PPP1R36: variants seen among roughly 807,000 people sequenced by gnomAD.
PPP1R36 encodes chromosome 14 open reading frame 50.
In PPP1R36, 47 loss-of-function variants were observed where a neutral mutation model predicts 53.4. The ratio of observed to expected loss-of-function variants is 0.88; its 90% CI spans 0.70 to 1.12. The LOEUF (loss-of-function observed/expected upper bound fraction) is 1.12, where lower values mean the gene tolerates loss of function less well. PPP1R36 is among the 50% of genes most tolerant of loss of function. The pLI, the probability that PPP1R36 is intolerant of heterozygous loss-of-function variation, is 0.00. For missense variants in PPP1R36, 456 were observed against 513.9 expected, an observed-to-expected ratio of 0.89 and a Z score of 1.09; for synonymous variants, 153 against 170.5, an observed-to-expected ratio of 0.90 and a Z score of 0.80.
rs183394375 is a variant in PPP1R36 at position 64,588,070 on chromosome 14, G to T, written c.891-34G>T. The stretch of plus-strand genomic sequence containing the variant: ...CAAGAACATTTCTAGAAAACAGGGT[G>T]ATATGACCTAAATGTCACCTTCCTC... On this transcript the variant is annotated intron_variant, in intron 10 of 11. Coordinates refer to ENST00000298705, the MANE Select transcript of PPP1R36 (RefSeq NM_172365.3). The T allele has an allele frequency of 9.5e-5, 148 of 1,553,904 alleles. No individual in the cohort carries two copies. In the African/African-American group the frequency reaches 1.3e-3, roughly 14 times the overall value.
At chr14:64,570,134 C>T (rs1353856774) in intron 7 of PPP1R36, among the ~76,000 whole-genome samples, 1 of 152,094 alleles carries the variant, frequency 6.6e-6, no homozygotes, top group East Asian at 1.9e-4. Flanking sequence ...GTAGACTGTT[C>T]CTTAGAAGGA....
intron 8 of PPP1R36, 121 bp downstream of exon 8, chr14:64,574,710 T>C (rs1422104465): frequency 7.3e-6 from 8 of 1,094,228 alleles, no homozygotes; most frequent in African/African-American, 3.1e-5. Context: ...TCCAGAGTAA[T>C]TGGGCTCAGG....
intron 7 of PPP1R36, among the ~76,000 whole-genome samples, chr14:64,572,140 C>T (rs563279381): frequency 4.7e-4 from 71 of 152,162 alleles, no homozygotes; most frequent in African/African-American, 1.7e-3. Flanking sequence ...AAAGTTTCCT[C>T]CTAATTTTGG....
chr14:64,584,056 C>A (rs895408783), intron 8 of PPP1R36, among the ~76,000 whole-genome samples: 1 of 151,868 alleles, frequency 6.6e-6, no homozygotes, highest in African/African-American at 2.4e-5. Flanking sequence ...CACCTGCCAC[C>A]ACGCCCGGCT....
chr14:64,560,864 C>T (rs545756061), intron 3 of PPP1R36, among the ~76,000 whole-genome samples: 2 of 152,264 alleles, frequency 1.3e-5, no homozygotes, highest in African/African-American at 4.8e-5. Flanking sequence ...GCAGAGAGAT[C>T]TGAGCCTTGA....
At chr14:64,584,207 T>G (rs1401844256) in intron 8 of PPP1R36, among the ~76,000 whole-genome samples, 1 of 152,136 alleles carries the variant, frequency 6.6e-6, no homozygotes, top group Non-Finnish European at 1.5e-5. Context: ...CAGCCTTACC[T>G]TCTCTTCTAA....
At chr14:64,569,924 A>G (rs2140234573) in intron 7 of PPP1R36, among the ~76,000 whole-genome samples, 1 of 151,832 alleles carries the variant, frequency 6.6e-6, no homozygotes, top group East Asian at 1.9e-4. Flanking sequence ...TTTTTAGTAG[A>G]GATGGGGTTT....
intron 3 of PPP1R36, among the ~76,000 whole-genome samples, chr14:64,561,028 C>T (rs2080201677): frequency 6.6e-6 from 1 of 152,086 alleles, no homozygotes; most frequent in Admixed American, 6.6e-5. Flanking sequence ...TAAATTGTAG[C>T]CAGAGAGAGG....
chr14:64,583,073 A>ATTTT (rs1255357344), intron 8 of PPP1R36, among the ~76,000 whole-genome samples: 16 of 136,130 alleles, frequency 1.2e-4, no homozygotes, highest in African/African-American at 1.6e-4. Context: ...ATATATATAT[A>ATTTT]TATTTTTTTT....
rs76977112 is a variant in PPP1R36 at position 64,566,837 on chromosome 14, C to T, written c.434+1145C>T. On this transcript the variant is annotated intron_variant, in intron 6 of 11. Transcript: ENST00000298705. Reference sequence around the variant, plus strand: ...AAGTTCAGAGCTAGGGAATCAGTGCCCTAGAAGCAGCCCTCATTCAGTGCC... The same window carrying T: ...AAGTTCAGAGCTAGGGAATCAGTGCTCTAGAAGCAGCCCTCATTCAGTGCC... Among the ~76,000 whole-genome samples, 59 of 152,332 alleles carry T rather than the reference C, an allele frequency of 3.9e-4. 2 individuals carry two copies. The East Asian group carries it at 0.011, about 28-fold the overall frequency.
rs567623488 is a variant in PPP1R36, at chr14:64,573,839, G to A, written c.534-616G>A. 4.8e-3 allele frequency among the ~76,000 whole-genome samples: 693 copies of A among 144,104 alleles called. 8 individuals are homozygous for A. The highest frequency in any genetic ancestry group is 0.017 in the African/African-American group (669 of 38,756). 94.5% of individuals were successfully genotyped at this position (144,104 alleles called of 152,430 possible). A position where few individuals can be genotyped will look rare whatever the true frequency, so the allele number is the denominator to read the frequency against. ...GAGGCAGGAGAATTCCTTGAACCCGGGAGGTGGAGGTCTCAGTGAGCCGAG... is the reference window on the plus strand; with the variant it reads ...GAGGCAGGAGAATTCCTTGAACCCGAGAGGTGGAGGTCTCAGTGAGCCGAG... On this transcript the variant is annotated intron_variant, in intron 7 of 11. Coordinates refer to ENST00000298705, the MANE Select transcript of PPP1R36 (RefSeq NM_172365.3).
intron 6 of PPP1R36, among the ~76,000 whole-genome samples, chr14:64,566,662 G>C (rs777268435): frequency 1.3e-5 from 2 of 152,128 alleles, no homozygotes; most frequent in Admixed American, 1.3e-4. Flanking sequence ...TCAGCACCGC[G>C]AACGCTCAGT....
At chr14:64,576,892 C>T (rs896092723) in intron 8 of PPP1R36, among the ~76,000 whole-genome samples, 1 of 152,204 alleles carries the variant, frequency 6.6e-6, no homozygotes, top group Non-Finnish European at 1.5e-5. Context: ...GAAAATGTGG[C>T]ACTCAGGGAG....
intron 8 of PPP1R36, among the ~76,000 whole-genome samples, chr14:64,578,706 T>C (rs2080362784): frequency 6.6e-6 from 1 of 152,190 alleles, no homozygotes; most frequent in Non-Finnish European, 1.5e-5. Flanking sequence ...TGGTGATTCC[T>C]CAAAGAGCTA....
chr14:64,550,129 A>T, intron 1 of PPP1R36, 63 bp downstream of exon 1: 1 of 1,528,566 alleles, frequency 6.5e-7, no homozygotes, highest in South Asian at 1.2e-5. Context: ...TGCTGCCCCC[A>T]ACCGGCGCCG....
Position 64,586,922 on chromosome 14 carries a change from T to C in PPP1R36, c.711+43T>C, listed in dbSNP as rs553776234. 234 of 1,502,206 alleles carry C rather than the reference T, an allele frequency of 1.6e-4. 3 individuals are homozygous for C. The South Asian group carries it at 2.3e-3, about 15-fold the overall frequency. 93.1% of individuals were successfully genotyped at this position (1,502,206 alleles called of 1,614,324 possible). On this transcript the variant is annotated intron_variant, in intron 9 of 11. Transcript: ENST00000298705. ...TGGTGCTTTTTGATATGAAACAATA[T>C]ATACCAACAACCAATGGCCATTTGT...
At chr14:64,562,870 A>G (rs1036903038) in intron 3 of PPP1R36, among the ~76,000 whole-genome samples, 7 of 151,656 alleles carry the variant, frequency 4.6e-5, no homozygotes, top group Non-Finnish European at 8.8e-5. Flanking sequence ...TTATTTTATT[A>G]CTATTATTTT....
Position 64,587,237 on chromosome 14 carries a change from G to A in PPP1R36, c.755G>A (p.Arg252Gln), listed in dbSNP as rs749746554. ...FCTYVAWIVF[R>Q]RQHLTEIEEE... The stretch of plus-strand genomic sequence containing the variant: ...ACATATGTGGCTTGGATTGTCTTCC[G>A]ACGTCAACACTTGACAGAGATTGAA... Residue 252 changes from arginine to glutamine, a missense_variant, in exon 10 of 12, where the codon CGA (arginine) becomes CAA (glutamine). Coordinates refer to ENST00000298705, the MANE Select transcript of PPP1R36 (RefSeq NM_172365.3). The A allele has an allele frequency of 2.3e-5, 37 of 1,613,222 alleles. No individual in the cohort carries two copies. Among genetic ancestry groups the A allele is most frequent in the South Asian group, 5.5e-5 (5 of 90,940 alleles).
intron 8 of PPP1R36, among the ~76,000 whole-genome samples, chr14:64,579,713 G>C (rs1045636009): frequency 1.3e-5 from 2 of 152,342 alleles, no homozygotes; most frequent in African/African-American, 4.8e-5. Context: ...GCTCACGCCT[G>C]TAATCCCAGC....
Sources: gnomAD v4.1 joint callset for allele counts (sites outside exome capture counted in the v4.1 genomes callset) on GRCh38, gnomAD v4.1.1 for gene constraint, MANE v1.5 for transcripts, NCBI Gene and HGNC (gene_info 2026-07-23, HGNC 2026-07-21) for gene names.